The following ARFRP1 variants were observed in gnomAD, a reference collection of about 807,000 sequenced individuals.
ARFRP1 encodes ADP-ribosylation factor-related protein 1.
In ARFRP1, 19 loss-of-function variants were observed where a neutral mutation model predicts 30.3. The observed-to-expected ratio is 0.63, with a 90% CI of 0.44 to 0.92. ARFRP1 has a LOEUF of 0.92. Ranked by LOEUF, ARFRP1 falls within the 40% of genes least tolerant of loss-of-function variation. The pLI, the probability that ARFRP1 is intolerant of heterozygous loss-of-function variation, is 0.00. For synonymous variants in ARFRP1, 133 were observed against 114.2 expected (o/e 1.16, Z -1.05); for missense variants, 245 against 267.5 (o/e 0.92, Z 0.59).
intron 5 of ARFRP1, 98 bp from the exon 6 acceptor site, chr20:63,701,998 G>GACCCCCCCCCCCCC: frequency 5.1e-6 from 3 of 583,916 alleles, no homozygotes; most frequent in South Asian, 2.1e-5. Flanking sequence ...CACTCCCTCT[G>GACCCCCCCCCCCCC]CCCCCCCCCC....
At chr20:63,702,537 G>C in intron 4 of ARFRP1, 1 of 365,524 alleles carries the variant, frequency 2.7e-6, no homozygotes. Context: ...AGGATCACCT[G>C]AGCCCACTTC....
At chr20:63,702,372 T>C in intron 4 of ARFRP1, 155 bp from the exon 5 acceptor site, 1 of 693,470 alleles carries the variant, frequency 1.4e-6, no homozygotes, top group Non-Finnish European at 2.4e-6. Context: ...CATTCTGGGG[T>C]TGCGGGGAGA....
intron 2 of ARFRP1, 70 bp from the exon 3 acceptor site, chr20:63,706,808 G>A: frequency 7.2e-7 from 1 of 1,386,270 alleles, no homozygotes; most frequent in Non-Finnish European, 1.0e-6. Context: ...CCTTACTCAG[G>A]TCTGTTCTTT....
At chr20:63,703,266 C>T (rs549446288) in intron 4 of ARFRP1, 7 of 152,376 alleles carry the variant, frequency 4.6e-5, no homozygotes, top group Admixed American at 6.5e-5. Flanking sequence ...CCCAACTCTC[C>T]GAAATCCTTA....
chr20:63,706,310 G>A, intron 4 of ARFRP1, 47 bp downstream of exon 4: 1 of 1,545,838 alleles, frequency 6.5e-7, no homozygotes, highest in Non-Finnish European at 8.9e-7. Context: ...GGAAAGAAGT[G>A]GCACTGGAGG....
At chr20:63,705,973 C>A (rs1198204342) in intron 4 of ARFRP1, 3 of 347,886 alleles carry the variant, frequency 8.6e-6, no homozygotes, top group African/African-American at 6.4e-5. Flanking sequence ...CAGATCCCCC[C>A]CGGCTTCAGG....
chr20:63,705,191 A>C (rs928013686), intron 4 of ARFRP1: 2 of 155,112 alleles, frequency 1.3e-5, no homozygotes, highest in Middle Eastern at 3.1e-3. Context: ...GTCTGACTTC[A>C]GTGGTCCTAC....
chr20:63,707,010 C>T lies in ARFRP1; in HGVS notation c.82G>A (p.Ala28Thr), dbSNP rs780117354. 1 of 1,613,770 alleles carries T rather than the reference C, an allele frequency of 6.2e-7. No individual in the cohort carries two copies. Among genetic ancestry groups the T allele is most frequent in the South Asian group, 1.1e-5 (1 of 91,084 alleles). ...YCILILGLDN[A>T]GKTTFLEQSK... ...GCGTGGGCACTCACCGTCTTCCCAG[C>T]ATTGTCCAGGCCCAGGATCAGGATG... The change falls in exon 2 of 8, where the codon GCT becomes ACT. Residue 28 changes from alanine (A) to threonine (T), a missense_variant. By Grantham distance (58) the Ala-to-Thr change is moderately conservative. Coordinates refer to ENST00000622789, the MANE Select transcript of ARFRP1 (RefSeq NM_001267547.3).
rs193162289 is a variant in ARFRP1 at position 63,704,116 on chromosome 20, T to C, written c.265-1899A>G. 3.5e-3 allele frequency: 536 copies of C among 152,344 alleles called. 5 individuals are homozygous for C. The highest frequency in any genetic ancestry group is 5.2e-3 in the Non-Finnish European group (355 of 68,078). 9.4% of individuals were successfully genotyped at this position (152,344 alleles called of 1,614,324 possible). On this transcript the variant is annotated intron_variant, in intron 4 of 7. Coordinates refer to ENST00000622789, the MANE Select transcript of ARFRP1 (RefSeq NM_001267547.3). ...CTGAGGTCCTGGCACATGCCACACA[T>C]GTGGACACCAACCCAGGGTCCAGCC...
chr20:63,701,877 G>A lies in ARFRP1; in HGVS notation c.370C>T (p.Leu124=), dbSNP rs909667187. ...AFEKVVTSEA[L]CGVPVLVLAN... ...AGCACCAAGACGGGGACACCGCACAGCGCCTCGCTGGTCACCACCTTCTCT... is the reference window on the plus strand; with the variant it reads ...AGCACCAAGACGGGGACACCGCACAACGCCTCGCTGGTCACCACCTTCTCT... The change falls in exon 6 of 8, where the codon CTG becomes TTG. Residue 124 remains leucine, a synonymous_variant. Coordinates refer to ENST00000622789, the MANE Select transcript of ARFRP1 (RefSeq NM_001267547.3). 2.6e-6 allele frequency: 4 copies of A among 1,550,212 alleles called. No homozygotes were observed. The Admixed American group carries it at 7.8e-5, about 30-fold the overall frequency.
chr20:63,701,483 G>T, intron 6 of ARFRP1: 1 of 491,594 alleles, frequency 2.0e-6, no homozygotes, highest in Non-Finnish European at 3.9e-6. Context: ...CTCCCACCAG[G>T]GCCCCAGCAT....
chr20:63,707,695 CGAAG>C (rs2091561057), intron 1 of ARFRP1, 168 bp downstream of exon 1: 1 of 152,270 alleles, frequency 6.6e-6, no homozygotes, highest in East Asian at 1.9e-4. Flanking sequence ...GGAACGACTG[CGAAG>C]GAAGAACCTG....
At chr20:63,701,707 A>T in intron 6 of ARFRP1, 123 bp downstream of exon 6, 1 of 878,628 alleles carries the variant, frequency 1.1e-6, no homozygotes, top group East Asian at 2.7e-5. Flanking sequence ...AGGCCTTGAG[A>T]ATGGCTCTGT....
At position 63,698,994 on chromosome 20, in the gene ARFRP1, C is replaced by T. The variant is rs1055762019; in HGVS notation, c.*1449G>A. The T allele has an allele frequency of 5.1e-5, 8 of 156,426 alleles. No homozygotes were observed. Among genetic ancestry groups the T allele is most frequent in the Non-Finnish European group, 1.1e-4 (8 of 71,022 alleles). 9.7% of individuals were successfully genotyped at this position (156,426 alleles called of 1,614,324 possible). ...CTAACCCCCCACTTATGAATTCCTCCCACTCCCAACTCACAGGGGATTTCC... is the reference window on the plus strand; with the variant it reads ...CTAACCCCCCACTTATGAATTCCTCTCACTCCCAACTCACAGGGGATTTCC... On this transcript the variant is annotated 3_prime_UTR_variant, in exon 8 of 8. Transcript: ENST00000622789.
intron 4 of ARFRP1, chr20:63,703,003 CAGGTACAAGTGCTG>C (rs1180275044): frequency 6.6e-6 from 1 of 152,298 alleles, no homozygotes; most frequent in Non-Finnish European, 1.5e-5. Context: ...CCTGCAGCCT[CAGGTACAAGTGCTG>C]AGCCCTGGAC....
Position 63,698,667 on chromosome 20 carries a change from T to A in ARFRP1, c.*1776A>T. 1 of 1,292,332 alleles carries A rather than the reference T, an allele frequency of 7.7e-7. No individual in the cohort carries two copies. Among genetic ancestry groups the A allele is most frequent in the South Asian group, 1.9e-5 (1 of 51,542 alleles). The allele number at this position is 1,292,332 out of a possible 1,614,324, so 80.1% of individuals were successfully genotyped here. A position where few individuals can be genotyped will look rare whatever the true frequency, so the allele number is the denominator to read the frequency against. On this transcript the variant is annotated 3_prime_UTR_variant, in exon 8 of 8. Coordinates refer to ENST00000622789, the MANE Select transcript of ARFRP1 (RefSeq NM_001267547.3). ...TGAGGTTTCTTAAAGCTTATTTTTA[T>A]AAAGCTTTTTCATAAAACTGGTTGT...
chr20:63,701,202 T>C, intron 6 of ARFRP1: 1 of 528,242 alleles, frequency 1.9e-6, no homozygotes, highest in Non-Finnish European at 3.9e-6. Flanking sequence ...GATGTCCCTC[T>C]TGTCGGCTGA....
intron 4 of ARFRP1, 24 bp from the exon 5 acceptor site, chr20:63,702,241 G>T: frequency 6.2e-7 from 1 of 1,603,946 alleles, no homozygotes; most frequent in Non-Finnish European, 8.5e-7. Flanking sequence ...CCAGGAGTTG[G>T]GGCTCAGTCC....
At position 63,706,732 on chromosome 20, in the gene ARFRP1, G is replaced by A. The variant is rs762144078; in HGVS notation, c.100C>T (p.Leu34=). Residue 34 remains leucine (L), a synonymous_variant, in exon 3 of 8, where the codon CTG becomes TTG. Coordinates refer to ENST00000622789, the MANE Select transcript of ARFRP1 (RefSeq NM_001267547.3). ...GLDNAGKTTF[L]EQSKTRFNKN... is the part of the protein sequence containing the mutation. ...TTAAATCGGGTTTTCGACTGCTCCAGGAAGGTCTGAGGAGAGAGGCAGAGG... is the reference window on the plus strand; with the variant it reads ...TTAAATCGGGTTTTCGACTGCTCCAAGAAGGTCTGAGGAGAGAGGCAGAGG... 6 of 1,613,198 alleles carry A rather than the reference G, an allele frequency of 3.7e-6. No homozygotes were observed. The South Asian group carries it at 4.4e-5, about 12-fold the overall frequency.
Sources: gnomAD v4.1 joint callset for allele counts on GRCh38, gnomAD v4.1.1 for gene constraint, MANE v1.5 for transcripts, NCBI Gene and HGNC (gene_info 2026-07-23, HGNC 2026-07-21) for gene names.